Variants in FBXL17 observed in about 807,000 individuals in gnomAD.
FBXL17 encodes F-box and leucine rich repeat protein 17.
A neutral mutation model predicts 66.2 loss-of-function variants in FBXL17; 22 were observed. That is an observed-to-expected ratio of 0.33 (90% CI 0.24 to 0.47). The LOEUF (loss-of-function observed/expected upper bound fraction) is 0.47. Ranked by LOEUF, FBXL17 falls within the 20% of genes least tolerant of loss-of-function variation. The probability of loss-of-function intolerance (pLI) is 1.00; values close to 1 mark genes in which losing one functional copy is unlikely to be tolerated. For synonymous variants in FBXL17, 474 were observed against 400.5 expected, an observed-to-expected ratio of 1.18 and a Z score of -2.19; for missense variants, 878 against 948.2, an observed-to-expected ratio of 0.93 and a Z score of 0.97.
At chr5:108,115,246 A>T (rs1750197176) in intron 6 of FBXL17, among the ~76,000 whole-genome samples, 1 of 152,230 alleles carries the variant, frequency 6.6e-6, no homozygotes, top group Non-Finnish European at 1.5e-5. Flanking sequence ...TAGGAGGAAA[A>T]AAAGAGAAAC....
At chr5:108,132,541 T>C (rs1389907058) in intron 6 of FBXL17, among the ~76,000 whole-genome samples, 2 of 152,226 alleles carry the variant, frequency 1.3e-5, no homozygotes, top group Non-Finnish European at 2.9e-5. Context: ...ATATGTTGTA[T>C]GTATAACAAA....
intron 4 of FBXL17, among the ~76,000 whole-genome samples, chr5:108,323,953 C>G (rs1759737804): frequency 6.6e-6 from 1 of 151,858 alleles, no homozygotes; most frequent in Non-Finnish European, 1.5e-5. Context: ...AACGGAAGAC[C>G]TAAAACATAT....
At chr5:108,137,115 T>G (rs1019465) in intron 6 of FBXL17, among the ~76,000 whole-genome samples, 46,276 of 152,068 alleles carry the variant, frequency 0.3, 8,277 homozygotes, top group Admixed American at 0.41. Context: ...CTCTATGAAC[T>G]AAATATGTCT....
chr5:107,914,262 A>G (rs188056229), intron 7 of FBXL17, among the ~76,000 whole-genome samples: 3,540 of 152,240 alleles, frequency 0.023, 75 homozygotes, highest in Non-Finnish European at 0.033. Flanking sequence ...TGTACTGATT[A>G]CACTACTCCT....
At chr5:108,157,183 A>G (rs1395596628) in intron 6 of FBXL17, among the ~76,000 whole-genome samples, 3 of 138,284 alleles carry the variant, frequency 2.2e-5, no homozygotes, top group African/African-American at 8.9e-5. Context: ...AACAAACTGG[A>G]AAAAAAAAAA....
At chr5:108,220,795 T>C (rs1265827515) in intron 5 of FBXL17, among the ~76,000 whole-genome samples, 1 of 152,148 alleles carries the variant, frequency 6.6e-6, no homozygotes. Context: ...TATATTTGCA[T>C]TTGCTGAACT....
In FBXL17 at chr5:108,269,183, T is replaced by C. The variant is rs1360608850; in HGVS notation, c.1507-44955A>G. Among the ~76,000 whole-genome samples the C allele has an allele frequency of 3.3e-5, 5 of 152,038 alleles. No homozygotes were observed. In the East Asian group the frequency reaches 9.6e-4, roughly 29 times the overall value. On this transcript the variant is annotated intron_variant, in intron 4 of 8. Coordinates refer to ENST00000542267, the MANE Select transcript of FBXL17 (RefSeq NM_001163315.3). ...ACCTCTTTCACATAGGAATTCCATC[T>C]TGTGCTTTTAAGGAGTAGGAGGAAG...
intron 7 of FBXL17, among the ~76,000 whole-genome samples, chr5:107,996,897 T>C (rs1753496033): frequency 6.6e-6 from 1 of 152,126 alleles, no homozygotes; most frequent in Non-Finnish European, 1.5e-5. Flanking sequence ...TCATGGTACC[T>C]CTCCTGGAAA....
intron 4 of FBXL17, among the ~76,000 whole-genome samples, chr5:108,339,228 T>C (rs147211896): frequency 9.8e-4 from 149 of 152,316 alleles, no homozygotes; most frequent in African/African-American, 3.5e-3. Context: ...CCTAAAACCC[T>C]AGAACCTCAT....
chr5:108,351,192 A>G (rs1334155512), intron 3 of FBXL17, among the ~76,000 whole-genome samples: 1 of 152,234 alleles, frequency 6.6e-6, no homozygotes, highest in Non-Finnish European at 1.5e-5. Context: ...AGATAGGTAC[A>G]TAATTATAGA....
chr5:107,871,207 A>G (rs1299887806), intron 8 of FBXL17, among the ~76,000 whole-genome samples: 1 of 152,154 alleles, frequency 6.6e-6, no homozygotes, highest in African/African-American at 2.4e-5. Flanking sequence ...ATCTGTAATG[A>G]TTGGAAGTGC....
At chr5:108,045,142 T>A (rs1017360145) in intron 6 of FBXL17, among the ~76,000 whole-genome samples, 18 of 152,170 alleles carry the variant, frequency 1.2e-4, no homozygotes, top group African/African-American at 4.3e-4. Flanking sequence ...TCTGATATTA[T>A]CTTTATAATT....
intron 6 of FBXL17, among the ~76,000 whole-genome samples, chr5:108,048,533 C>G (rs1173801689): frequency 1.3e-5 from 2 of 152,106 alleles, no homozygotes; most frequent in African/African-American, 4.8e-5. Flanking sequence ...ATGTCCTAAC[C>G]CAGTGCAAAG....
At chr5:108,123,711 T>C (rs571389089) in intron 6 of FBXL17, among the ~76,000 whole-genome samples, 1 of 152,158 alleles carries the variant, frequency 6.6e-6, no homozygotes, top group African/African-American at 2.4e-5. Flanking sequence ...CCTATTTCTG[T>C]GTTCTTGTCT....
chr5:108,206,209 CAGA>C (rs1754111550), intron 5 of FBXL17, among the ~76,000 whole-genome samples: 1 of 152,070 alleles, frequency 6.6e-6, no homozygotes, highest in Admixed American at 6.6e-5. Flanking sequence ...GAATCCTATT[CAGA>C]AGAACTTTCC....
intron 4 of FBXL17, among the ~76,000 whole-genome samples, chr5:108,332,941 C>CAAAAAAAAAAAAAAAAAAAAAAAAAAAA (rs34218940): frequency 2.9e-5 from 1 of 34,762 alleles, no homozygotes. Context: ...AAAGCAAAAG[C>CAAAAAAAAAAAAAAAAAAAAAAAAAAAA]AAAAAAAAAA....
Position 108,380,876 on chromosome 5 carries a change from G to T in FBXL17, c.816C>A (p.Thr272=). 8.0e-7 allele frequency: 1 copy of T among 1,242,270 alleles called. No homozygotes were observed. Among genetic ancestry groups the T allele is most frequent in the Non-Finnish European group, 1.0e-6 (1 of 987,330 alleles). The allele number at this position is 1,242,270 out of a possible 1,614,324, so 77.0% of individuals were successfully genotyped here. The change falls in exon 1 of 9, where the codon ACC becomes ACA. Residue 272 remains threonine, a synonymous_variant. Transcript: ENST00000542267. ...PSSPTSEGAP[T]EAGGDAVRAG... is the part of the protein sequence containing the mutation. ...CTCGGACAGCGTCCCCGCCAGCTTC[G>T]GTGGGGGCACCTTCGGAGGTGGGAG...
intron 7 of FBXL17, among the ~76,000 whole-genome samples, chr5:107,961,371 C>G (rs1474291017): frequency 6.6e-6 from 1 of 151,744 alleles, no homozygotes; most frequent in African/African-American, 2.4e-5. Flanking sequence ...ACTACAGGCA[C>G]ATAACACCAG....
At chr5:108,095,516 C>G (rs905886708) in intron 6 of FBXL17, among the ~76,000 whole-genome samples, 2 of 151,958 alleles carry the variant, frequency 1.3e-5, no homozygotes, top group Non-Finnish European at 2.9e-5. Flanking sequence ...TAGGGTAGAT[C>G]AGTTGAGTAG....
Sources: allele counts gnomAD v4.1 joint callset (sites outside exome capture counted in the v4.1 genomes callset), GRCh38; gene constraint gnomAD v4.1.1; transcripts MANE v1.5; gene names NCBI Gene and HGNC (gene_info 2026-07-23, HGNC 2026-07-21).